Variants in KCNH4 observed in about 807,000 individuals in gnomAD.
KCNH4 encodes the protein potassium voltage-gated channel subfamily H member 4, also known as voltage-gated delayed rectifier potassium channel KCNH4.
In KCNH4, 33 loss-of-function variants were observed where a neutral mutation model predicts 90.7. The observed-to-expected ratio is 0.36, with a 90% CI of 0.28 to 0.49. KCNH4 has a LOEUF of 0.49. Ranked by LOEUF, KCNH4 falls within the 20% of genes least tolerant of loss-of-function variation. The probability of loss-of-function intolerance (pLI) is 0.98; values close to 1 mark genes in which losing one functional copy is unlikely to be tolerated. For synonymous variants in KCNH4, 551 were observed against 581.7 expected (o/e 0.95, Z 0.76); for missense variants, 1,044 against 1,387.1 (o/e 0.75, Z 3.93).
intron 4 of KCNH4, among the ~76,000 whole-genome samples, chr17:42,177,396 A>G (rs2079869865): frequency 7.4e-6 from 1 of 134,644 alleles, no homozygotes; most frequent in Admixed American, 7.5e-5. Flanking sequence ...AAGGGGTCTC[A>G]CTATGTTGCC....
intron 4 of KCNH4, among the ~76,000 whole-genome samples, chr17:42,177,408 A>G (rs2079869950): frequency 6.7e-6 from 1 of 150,160 alleles, no homozygotes; most frequent in Non-Finnish European, 1.5e-5. Flanking sequence ...TATGTTGCCC[A>G]GGCTGGTCTA....
Position 42,170,195 on chromosome 17 carries a change from T to C in KCNH4, c.1302A>G (p.Leu434=), listed in dbSNP as rs756299481. Residue 434 remains leucine, a synonymous_variant, in exon 8 of 17, where the codon CTA becomes CTG. Coordinates refer to ENST00000264661, the MANE Select transcript of KCNH4 (RefSeq NM_012285.3). ...SAYIAALYFT[L]SSLTSVGFGN... is the part of the protein sequence containing the mutation. ...CAAAGCCCACACTGGTGAGGCTGCT[T>C]AGAGTGAAGTACAGTGCCGCGATGT... The C allele has an allele frequency of 4.3e-6, 7 of 1,613,132 alleles. No individual in the cohort carries two copies. In the Admixed American group the frequency reaches 1.0e-4, roughly 23 times the overall value.
chr17:42,172,853 G>A (rs1285267736), intron 6 of KCNH4, among the ~76,000 whole-genome samples: 2 of 151,806 alleles, frequency 1.3e-5, no homozygotes, highest in Non-Finnish European at 2.9e-5. Flanking sequence ...AATTGTGATG[G>A]GGACCCCCCT....
intron 6 of KCNH4, 127 bp from the exon 7 acceptor site, chr17:42,172,122 G>C: frequency 2.8e-6 from 2 of 718,572 alleles, no homozygotes; most frequent in Non-Finnish European, 4.7e-6. Context: ...AGACATCTTT[G>C]CTGTCCTGAG....
rs1009445270 is a variant in KCNH4 at position 42,180,112 on chromosome 17, G to C, written c.76+758C>G. ...TATGGAAACAAGGTGGTGGGGAAGA[G>C]GGTAGGGCCCGGCGGCTCAGTTTCC... On this transcript the variant is annotated intron_variant, in intron 1 of 16. Transcript: ENST00000264661. This position sits in a 1 kb window ranked among gnomAD's most constrained non-coding sequence, Gnocchi z 4.7. Among the ~76,000 whole-genome samples, 2 of 152,250 alleles carry C rather than the reference G, an allele frequency of 1.3e-5. No homozygotes were observed. Among genetic ancestry groups the C allele is most frequent in the African/African-American group, 2.4e-5 (1 of 41,462 alleles).
In KCNH4 at chr17:42,180,809, C is replaced by A; in HGVS notation, c.76+61G>T. 3.9e-6 allele frequency: 6 copies of A among 1,520,948 alleles called. No homozygotes were observed. The highest frequency in any genetic ancestry group is 5.5e-6 in the Non-Finnish European group (6 of 1,096,608). 94.2% of individuals were successfully genotyped at this position (1,520,948 alleles called of 1,614,324 possible). A position where few individuals can be genotyped will look rare whatever the true frequency, so the allele number is the denominator to read the frequency against. ...CTCACCATGTCCAGGAGATCCGAGA[C>A]GGCCCCGAGGATACTTGCCCCCCAG... On this transcript the variant is annotated intron_variant, in intron 1 of 16. Transcript: ENST00000264661. This position sits in a 1 kb window ranked among gnomAD's most constrained non-coding sequence, Gnocchi z 4.7.
chr17:42,174,079 TC>T (rs2079846276), intron 6 of KCNH4, among the ~76,000 whole-genome samples: 1 of 152,090 alleles, frequency 6.6e-6, no homozygotes. Context: ...TACCTCATCC[TC>T]CCGAGTAGCT....
Position 42,163,219 on chromosome 17 carries a change from G to A in KCNH4, c.2584+9C>T, listed in dbSNP as rs376800803. 1.3e-6 allele frequency: 2 copies of A among 1,589,048 alleles called. No individual in the cohort carries two copies. Among genetic ancestry groups the A allele is most frequent in the African/African-American group, 1.3e-5 (1 of 74,364 alleles). On this transcript the variant is annotated intron_variant, in intron 14 of 16. Transcript: ENST00000264661. The surrounding 1 kb of genome is among the most constrained non-coding windows in gnomAD (Gnocchi z 5.4). The stretch of plus-strand genomic sequence containing the variant: ...GATGACGGGGTTGAAGTCCACTGTT[G>A]GCCCTTACCTGTAGGGGGCGCCTGG...
Position 42,181,059 on chromosome 17 carries a change from C to T in KCNH4, c.-114G>A. 1.1e-6 allele frequency: 1 copy of T among 883,618 alleles called. No homozygotes were observed. Among genetic ancestry groups the T allele is most frequent in the Non-Finnish European group, 1.7e-6 (1 of 578,416 alleles). 54.7% of individuals were successfully genotyped at this position (883,618 alleles called of 1,614,324 possible). A position where few individuals can be genotyped will look rare whatever the true frequency, so the allele number is the denominator to read the frequency against. On this transcript the variant is annotated 5_prime_UTR_variant, in exon 1 of 17. Transcript: ENST00000264661. ...GCCCCATGCGCCCTCCTGCCTCCTC[C>T]CCTCCCTCTTACTGCCGCTGCCGCT...
In KCNH4 at chr17:42,161,372, C is replaced by A. The variant is rs75877276; in HGVS notation, c.2658+876G>T. On this transcript the variant is annotated intron_variant, in intron 15 of 16. Transcript: ENST00000264661. ...CCCAGGGCCTGAAACAGCCCAGGCACCGCCCCTCTGGGATGCCCGATGTTT... is the reference window on the plus strand; with the variant it reads ...CCCAGGGCCTGAAACAGCCCAGGCAACGCCCCTCTGGGATGCCCGATGTTT... Among the ~76,000 whole-genome samples, 433 of 152,350 alleles carry A rather than the reference C, an allele frequency of 2.8e-3. 1 individual carries two copies. The highest frequency in any genetic ancestry group is 0.01 in the African/African-American group (419 of 41,588).
intron 15 of KCNH4, 103 bp from the exon 16 acceptor site, chr17:42,160,538 G>T: frequency 8.2e-7 from 1 of 1,221,100 alleles, no homozygotes; most frequent in Non-Finnish European, 1.1e-6. Flanking sequence ...TTCTGCTCAT[G>T]GCCACCCTGG....
Position 42,171,774 on chromosome 17 carries a change from G to A in KCNH4, c.1195+14C>T. The A allele has an allele frequency of 6.2e-7, 1 of 1,613,836 alleles. No homozygotes were observed. The highest frequency in any genetic ancestry group is 8.5e-7 in the Non-Finnish European group (1 of 1,179,774). On this transcript the variant is annotated intron_variant, in intron 7 of 16. Transcript: ENST00000264661. ...GGACAGGTGGTCTGTGAAAGTTTGG[G>A]GTCGGTGGCTCACCAATGTCCCAGA...
In KCNH4 at chr17:42,160,450, T is replaced by G. The variant is rs2079738383; in HGVS notation, c.2659-15A>C. Reference sequence around the variant, plus strand: ...AGACGAGAGATCTGTTGAAAACACATCGAGTTGTTTCACAGGTGCCACAGT... The same window carrying G: ...AGACGAGAGATCTGTTGAAAACACAGCGAGTTGTTTCACAGGTGCCACAGT... On this transcript the variant is annotated splice_polypyrimidine_tract_variant and intron_variant, in intron 15 of 16. Coordinates refer to ENST00000264661, the MANE Select transcript of KCNH4 (RefSeq NM_012285.3). The G allele has an allele frequency of 1.3e-6, 2 of 1,563,678 alleles. No homozygotes were observed. The highest frequency in any genetic ancestry group is 3.7e-5 in the Admixed American group (2 of 54,558).
intron 9 of KCNH4, 152 bp from the exon 10 acceptor site, chr17:42,166,698 C>G: frequency 1.0e-6 from 1 of 980,618 alleles, no homozygotes; most frequent in Non-Finnish European, 1.5e-6. Flanking sequence ...TGTGTCTAAC[C>G]TCAATTTTGC....
Position 42,180,870 on chromosome 17 carries a change from G to C in KCNH4, c.76C>G (p.His26Asp). 1.2e-6 allele frequency: 2 copies of C among 1,613,658 alleles called. No individual in the cohort carries two copies. The highest frequency in any genetic ancestry group is 1.7e-6 in the Non-Finnish European group (2 of 1,179,794). The change falls in exon 1 of 17, where the codon CAC becomes GAC. Residue 26 changes from histidine to aspartate, a missense_variant and splice_region_variant. By Grantham distance (81) the His-to-Asp change is moderately conservative (BLOSUM62 -1). Around this residue, in one of 4 missense-constraint regions of KCNH4, gnomAD observed 283 missense variants for 378.6 expected, o/e 0.75. Coordinates refer to ENST00000264661, the MANE Select transcript of KCNH4 (RefSeq NM_012285.3). This position sits in a 1 kb window ranked among gnomAD's most constrained non-coding sequence, Gnocchi z 4.7. ...AAGCCCCGACCTCCGTCCCACTCAC[G>C]CGTTCCGTCAAAACGGGTGGCGATG... ...DTIATRFDGTHSNFLLANAQG... is the reference protein window; with the variant it reads ...DTIATRFDGTDSNFLLANAQG...
intron 15 of KCNH4, among the ~76,000 whole-genome samples, chr17:42,161,620 G>A (rs1465754571): frequency 2.0e-5 from 3 of 152,170 alleles, no homozygotes; most frequent in Admixed American, 6.5e-5. Context: ...CATTACCCAC[G>A]GCTGGGGTAA....
chr17:42,165,327 G>T, intron 11 of KCNH4, 122 bp downstream of exon 11: 1 of 1,217,804 alleles, frequency 8.2e-7, no homozygotes, highest in Non-Finnish European at 1.2e-6. Flanking sequence ...ATGGAGGAGG[G>T]TGCCTGGGCT....
intron 6 of KCNH4, among the ~76,000 whole-genome samples, chr17:42,174,795 G>C (rs1371637801): frequency 6.6e-6 from 1 of 152,076 alleles, no homozygotes; most frequent in Non-Finnish European, 1.5e-5. Flanking sequence ...CCAGGGATCT[G>C]TGAGGACTCA....
chr17:42,165,417 G>A, intron 11 of KCNH4, 32 bp downstream of exon 11: 2 of 1,609,600 alleles, frequency 1.2e-6, no homozygotes, highest in Non-Finnish European at 1.7e-6. Flanking sequence ...AAGGGACTCT[G>A]GAAGGATGGC....
Sources: gnomAD v4.1 joint callset for allele counts (sites outside exome capture counted in the v4.1 genomes callset) on GRCh38, gnomAD v4.1.1 for gene constraint, gnomAD v4.1.1 regional missense constraint, Gnocchi (gnomAD v3.1) non-coding constraint, MANE v1.5 for transcripts, NCBI Gene and HGNC (gene_info 2026-07-23, HGNC 2026-07-21) for gene names.